Variants in BDP1 observed in about 807,000 individuals in gnomAD.
The protein encoded by BDP1 is BDP1 general transcription factor IIIB subunit, also known as transcription factor TFIIIB component B'' homolog.
Under a neutral mutation model 266.6 loss-of-function variants are expected in BDP1, and 169 were observed. That is an observed-to-expected ratio of 0.63 (90% CI 0.56 to 0.72). The LOEUF (loss-of-function observed/expected upper bound fraction) is 0.72. Ranked by LOEUF, BDP1 falls within the 30% of genes least tolerant of loss-of-function variation. The pLI, the probability that BDP1 is intolerant of heterozygous loss-of-function variation, is 0.00. For synonymous variants in BDP1, 1,090 were observed against 1,022.4 expected, an observed-to-expected ratio of 1.07 and a Z score of -1.26; for missense variants, 3,015 against 3,053.8, an observed-to-expected ratio of 0.99 and a Z score of 0.30.
At chr5:71,517,695 A>G (rs1765292882) in intron 22 of BDP1, among the ~76,000 whole-genome samples, 1 of 152,190 alleles carries the variant, frequency 6.6e-6, no homozygotes, top group South Asian at 2.1e-4. Context: ...GAAAAGTTTG[A>G]CAAGCATCCT....
At position 71,521,417 on chromosome 5, in the gene BDP1, C is replaced by T. The variant is rs148826673; in HGVS notation, c.4992-872C>T. Among the ~76,000 whole-genome samples, 826 of 150,970 alleles carry T rather than the reference C, an allele frequency of 5.5e-3. 9 individuals carry two copies. Among genetic ancestry groups the T allele is most frequent in the African/African-American group, 0.019 (787 of 41,156 alleles). On this transcript the variant is annotated intron_variant, in intron 22 of 38. Transcript: ENST00000358731. ...AAGTGATTCTCTTGCCTCAGCCTCCCGAGTAGCTGGGACTTCAGGCATGCA... is the reference window on the plus strand; with the variant it reads ...AAGTGATTCTCTTGCCTCAGCCTCCTGAGTAGCTGGGACTTCAGGCATGCA...
intron 1 of BDP1, among the ~76,000 whole-genome samples, 166 bp downstream of exon 1, chr5:71,456,255 C>G (rs927660245): frequency 6.6e-6 from 1 of 152,170 alleles, no homozygotes; most frequent in African/African-American, 2.4e-5. Flanking sequence ...GTTGTCTGAC[C>G]TGCAGGGTGT....
chr5:71,497,531 T>C (rs1270493751), intron 13 of BDP1, 105 bp downstream of exon 13: 6 of 777,794 alleles, frequency 7.7e-6, no homozygotes, highest in Admixed American at 2.9e-5. Context: ...GTTACTGATA[T>C]TAAAACAGAT....
chr5:71,484,700 A>G (rs1580042756), intron 8 of BDP1, among the ~76,000 whole-genome samples: 1 of 152,324 alleles, frequency 6.6e-6, no homozygotes. Flanking sequence ...GTATTTTTTG[A>G]TTACAAGATA....
intron 2 of BDP1, 25 bp downstream of exon 2, chr5:71,458,880 G>C: frequency 1.9e-6 from 3 of 1,586,398 alleles, no homozygotes; most frequent in Non-Finnish European, 2.6e-6. Context: ...TCAGGATTTT[G>C]ATGTTGCCTT....
At position 71,555,182 on chromosome 5, in the gene BDP1, T is replaced by C. The variant is rs149594711; in HGVS notation, c.7201-1704T>C. On this transcript the variant is annotated intron_variant, in intron 35 of 38. Transcript: ENST00000358731. Reference sequence around the variant, plus strand: ...TGAGACTTAAATTTCCTAGTTAATGTTAATATTACTGATTTGTTGCGAATT... The same window carrying C: ...TGAGACTTAAATTTCCTAGTTAATGCTAATATTACTGATTTGTTGCGAATT... 3.7e-4 allele frequency among the ~76,000 whole-genome samples: 57 copies of C among 152,330 alleles called. 1 individual carries two copies. The East Asian group carries it at 9.6e-3, about 26-fold the overall frequency.
At chr5:71,550,310 C>T (rs1431370343) in intron 34 of BDP1, among the ~76,000 whole-genome samples, 3 of 151,938 alleles carry the variant, frequency 2.0e-5, no homozygotes, top group Admixed American at 6.6e-5. Flanking sequence ...CACTTGAACC[C>T]GGGAGGTGGA....
At chr5:71,506,781 T>TATATATATATATATATA (rs201899514) in intron 16 of BDP1, among the ~76,000 whole-genome samples, 3 of 106,708 alleles carry the variant, frequency 2.8e-5, no homozygotes, top group Admixed American at 1.1e-4. Flanking sequence ...TATATATATA[T>TATATATATATATATATA]TTGAAACACA....
intron 28 of BDP1, 80 bp from the exon 29 acceptor site, chr5:71,541,373 CA>C (rs1432630963): frequency 3.3e-6 from 2 of 605,898 alleles, no homozygotes; most frequent in East Asian, 5.7e-5. Flanking sequence ...CAGAATTTTA[CA>C]ATTACTAAAT....
chr5:71,503,064 CAA>C (rs1190511316), intron 15 of BDP1, among the ~76,000 whole-genome samples: 15 of 78,358 alleles, frequency 1.9e-4, no homozygotes, highest in Non-Finnish European at 1.5e-4. Context: ...GACTCTGTCT[CAA>C]AAAAAAAAAA....
chr5:71,480,694 G>A (rs1399946444), intron 7 of BDP1, among the ~76,000 whole-genome samples: 2 of 151,232 alleles, frequency 1.3e-5, no homozygotes, highest in Non-Finnish European at 2.9e-5. Context: ...AGCCTCCCAA[G>A]TTGGGATTAC....
intron 26 of BDP1, chr5:71,537,825 CT>C (rs1277618767): frequency 6.2e-6 from 1 of 161,240 alleles, no homozygotes; most frequent in Non-Finnish European, 1.5e-5. Flanking sequence ...TTCTGCTGAG[CT>C]GATCTTCCTC....
chr5:71,525,032 C>T (rs1175065403), intron 25 of BDP1, among the ~76,000 whole-genome samples: 5 of 150,850 alleles, frequency 3.3e-5, no homozygotes, highest in African/African-American at 9.8e-5. Context: ...CCATGTCTAC[C>T]TCTTTCTACA....
In BDP1 at chr5:71,549,545, C is replaced by T; in HGVS notation, c.6934C>T (p.Pro2312Ser). 1 of 1,613,566 alleles carries T rather than the reference C, an allele frequency of 6.2e-7. No homozygotes were observed. Among genetic ancestry groups the T allele is most frequent in the Non-Finnish European group, 8.5e-7 (1 of 1,179,778 alleles). ...TDATAQFMPNPLLPAPILVKS... is the reference protein window; with the variant it reads ...TDATAQFMPNSLLPAPILVKS... ...TGCCACTGCACAGTTCATGCCAAACCCTTTACTGCCAGCTCCCATATTGGT... is the reference window on the plus strand; with the variant it reads ...TGCCACTGCACAGTTCATGCCAAACTCTTTACTGCCAGCTCCCATATTGGT... The change falls in exon 34 of 39, where the codon CCT becomes TCT. Residue 2312 changes from proline (P) to serine (S), a missense_variant. Around this residue, in one of 3 missense-constraint regions of BDP1, gnomAD observed 629 missense variants for 632.5 expected, o/e 0.99. Coordinates refer to ENST00000358731, the MANE Select transcript of BDP1 (RefSeq NM_018429.3).
chr5:71,573,898 A>G, the BDP1 span, among the ~76,000 whole-genome samples: 1 of 152,236 alleles, frequency 6.6e-6, no homozygotes, highest in Non-Finnish European at 1.5e-5. Context: ...AACCCTATGT[A>G]CAATTTCTTG....
Position 71,509,785 on chromosome 5 carries a change from T to C in BDP1, c.2693T>C (p.Met898Thr). Residue 898 changes from methionine (M) to threonine (T), a missense_variant, in exon 17 of 39, where the codon ATG becomes ACG. Physicochemically the swap from Met to Thr is moderately conservative, Grantham distance 81 (BLOSUM62 -1). This residue lies in a region of BDP1 where 2,383 missense variants were observed against 2,404.9 expected (regional missense o/e 0.99). Coordinates refer to ENST00000358731, the MANE Select transcript of BDP1 (RefSeq NM_018429.3). ...ILDVIDDTIEMETGLKAMGRE... is the reference protein window; with the variant it reads ...ILDVIDDTIETETGLKAMGRE... Reference sequence around the variant, plus strand: ...GATGTGATTGATGACACCATAGAAATGGAGACAGGTCTGAAAGCAATGGGA... The same window carrying C: ...GATGTGATTGATGACACCATAGAAACGGAGACAGGTCTGAAAGCAATGGGA... 1 of 1,614,062 alleles carries C rather than the reference T, an allele frequency of 6.2e-7. No individual in the cohort carries two copies. The highest frequency in any genetic ancestry group is 1.1e-5 in the South Asian group (1 of 91,068).
chr5:71,551,501 A>T (rs1742754415), intron 34 of BDP1, among the ~76,000 whole-genome samples: 2 of 152,190 alleles, frequency 1.3e-5, no homozygotes, highest in South Asian at 4.1e-4. Context: ...AAAGTCTCCC[A>T]TGTCTACTTC....
At chr5:71,540,739 C>G (rs1357050466) in intron 28 of BDP1, among the ~76,000 whole-genome samples, 3 of 152,102 alleles carry the variant, frequency 2.0e-5, no homozygotes, top group African/African-American at 4.8e-5. Flanking sequence ...GAGTTCAAGA[C>G]CAGCCTGGGC....
intron 16 of BDP1, among the ~76,000 whole-genome samples, chr5:71,508,599 T>A (rs184340048): frequency 1.2e-4 from 18 of 152,324 alleles, no homozygotes; most frequent in African/African-American, 4.3e-4. Flanking sequence ...CGTCTTTTTT[T>A]AAGCTGTTGA....
Sources: allele counts gnomAD v4.1 joint callset (sites outside exome capture counted in the v4.1 genomes callset), GRCh38; gene constraint gnomAD v4.1.1; regional missense constraint gnomAD v4.1.1; transcripts MANE v1.5; gene names NCBI Gene and HGNC (gene_info 2026-07-23, HGNC 2026-07-21).